The following G3BP2 variants were observed in gnomAD, a reference collection of about 807,000 sequenced individuals.
G3BP2 encodes the protein G3BP stress granule assembly factor 2.
G3BP2 carries 11 observed loss-of-function variants against 56.7 expected under a neutral mutation model. That is an observed-to-expected ratio of 0.19 (90% CI 0.12 to 0.32). The LOEUF (loss-of-function observed/expected upper bound fraction) is 0.32, where lower values mean the gene tolerates loss of function less well. Among genes scored for constraint, G3BP2 ranks in the 10% least tolerant of loss-of-function variants. The pLI is 1.00. For missense variants in G3BP2, 340 were observed against 610.9 expected, an observed-to-expected ratio of 0.56 and a Z score of 4.67; for synonymous variants, 165 against 191.6, an observed-to-expected ratio of 0.86 and a Z score of 1.15.
chr4:75,715,727 C>G (rs951667961), intron 3 of G3BP2, among the ~76,000 whole-genome samples: 1 of 152,210 alleles, frequency 6.6e-6, no homozygotes, highest in Admixed American at 6.5e-5. Flanking sequence ...AACCCATCAG[C>G]CATGCCCCGG....
At chr4:75,714,049 A>G (rs1719846286) in intron 3 of G3BP2, among the ~76,000 whole-genome samples, 1 of 152,244 alleles carries the variant, frequency 6.6e-6, no homozygotes. Flanking sequence ...GAGACATGAC[A>G]TCTAAACACA....
chr4:75,667,700 C>T (rs1001133584), intron 1 of G3BP2, among the ~76,000 whole-genome samples: 2 of 152,108 alleles, frequency 1.3e-5, no homozygotes, highest in African/African-American at 4.8e-5. Context: ...ACCATCCTGG[C>T]TAACACAGTG....
rs143613161 is a variant in G3BP2 at position 75,698,154 on chromosome 4, G to A, written c.-25+22723C>T. ...GATTAAATTAAGAATCTTCAGATGG[G>A]GAGTTTATCCTGAAATATCTAGGGG... On this transcript the variant is annotated intron_variant, in intron 3 of 3. Transcript: ENST00000499709. 5.3e-5 allele frequency among the ~76,000 whole-genome samples: 8 copies of A among 152,292 alleles called. No homozygotes were observed. In the East Asian group the frequency reaches 1.5e-3, roughly 29 times the overall value.
chr4:75,662,255 T>C (rs964909971), intron 1 of G3BP2: 2 of 350,930 alleles, frequency 5.7e-6, no homozygotes, highest in Admixed American at 4.7e-5. Flanking sequence ...GGAGTTTCAC[T>C]CTCCTTGCCC....
chr4:75,674,719 T>TATATATATATA (rs57822618), upstream of G3BP2, among the ~76,000 whole-genome samples: 631 of 50,244 alleles, frequency 0.013, 1 homozygote, highest in Middle Eastern at 0.026. Flanking sequence ...TATATATATA[T>TATATATATATA]TTTTTTTTTT....
chr4:75,656,227 A>G (rs1463402774), intron 5 of G3BP2, among the ~76,000 whole-genome samples: 2 of 151,840 alleles, frequency 1.3e-5, no homozygotes, highest in Non-Finnish European at 2.9e-5. Context: ...CCTGGCCTCA[A>G]GTGATCCACC....
At position 75,708,434 on chromosome 4, in the gene G3BP2, G is replaced by A. The variant is rs184764458; in HGVS notation, c.-25+12443C>T. 1.3e-3 allele frequency among the ~76,000 whole-genome samples: 191 copies of A among 152,200 alleles called. 4 individuals carry two copies. The highest frequency in any genetic ancestry group is 0.011 in the Admixed American group (164 of 15,278). The stretch of plus-strand genomic sequence containing the variant: ...TATAAGCCACATGATCTTGATTGAC[G>A]TCACTCTCACTCATAGAATTTATTT... On this transcript the variant is annotated intron_variant, in intron 3 of 3. Transcript: ENST00000499709.
At position 75,658,835 on chromosome 4, in the gene G3BP2, A is replaced by G. The variant is rs1732323112; in HGVS notation, c.177+8T>C. The G allele has an allele frequency of 6.5e-7, 1 of 1,546,906 alleles. No homozygotes were observed. The highest frequency in any genetic ancestry group is 8.9e-7 in the Non-Finnish European group (1 of 1,118,478). On this transcript the variant is annotated splice_region_variant and intron_variant, in intron 3 of 11. Coordinates refer to ENST00000359707, the MANE Select transcript of G3BP2 (RefSeq NM_203505.3). The stretch of plus-strand genomic sequence containing the variant: ...AATTTCTAAACTACATATGAAATTG[A>G]TACTTACATTTTGGCCATAAACAGC...
chr4:75,662,114 A>C, intron 1 of G3BP2, 65 bp from the exon 2 acceptor site: 2 of 982,402 alleles, frequency 2.0e-6, no homozygotes, highest in Admixed American at 2.2e-5. Context: ...CCATGAAATA[A>C]ATTTTCTTTT....
chr4:75,694,753 CA>C, intron 3 of G3BP2: 1 of 986,968 alleles, frequency 1.0e-6, no homozygotes, highest in Non-Finnish European at 1.2e-6. Flanking sequence ...AACAAACAAA[CA>C]AACAAACAAA....
intron 2 of G3BP2, chr4:75,661,411 G>T (rs1371622673): frequency 6.6e-6 from 1 of 151,716 alleles, no homozygotes. Context: ...TTACATGAGT[G>T]AGAGAGCCAC....
Position 75,645,709 on chromosome 4 carries a change from A to G in G3BP2, c.1177-7T>C, listed in dbSNP as rs766402192. 1.2e-6 allele frequency: 2 copies of G among 1,611,526 alleles called. No individual in the cohort carries two copies. Among genetic ancestry groups the G allele is most frequent in the East Asian group, 2.2e-5 (1 of 44,878 alleles). On this transcript the variant is annotated splice_region_variant and splice_polypyrimidine_tract_variant and intron_variant, in intron 11 of 11. Transcript: ENST00000359707. ...CCCCTCGAAACATAATCGGCTTTAT[A>G]AAAGAGAAGAAAAATATTTACATGG...
intron 3 of G3BP2, among the ~76,000 whole-genome samples, chr4:75,717,018 CA>C (rs1473274995): frequency 6.6e-6 from 1 of 152,190 alleles, no homozygotes; most frequent in Non-Finnish European, 1.5e-5. Flanking sequence ...CTCCTTTTCC[CA>C]AACCACCTGC....
chr4:75,719,638 T>C (rs944459367), intron 3 of G3BP2, among the ~76,000 whole-genome samples: 3 of 152,114 alleles, frequency 2.0e-5, no homozygotes, highest in Admixed American at 6.5e-5. Context: ...TTGCGCAGGC[T>C]GGAGGGCAAT....
At chr4:75,719,144 C>T (rs1282129466) in intron 3 of G3BP2, among the ~76,000 whole-genome samples, 1 of 151,726 alleles carries the variant, frequency 6.6e-6, no homozygotes, top group African/African-American at 2.4e-5. Flanking sequence ...GTCAGGAGAT[C>T]GAGACCATCC....
At chr4:75,679,743 T>A (rs183822891) in intron 3 of G3BP2, among the ~76,000 whole-genome samples, 27 of 152,260 alleles carry the variant, frequency 1.8e-4, no homozygotes, top group Admixed American at 6.5e-4. Flanking sequence ...AAGAATCAGA[T>A]TATCAATTAT....
At position 75,695,843 on chromosome 4, in the gene G3BP2, G is replaced by C. The variant is rs548353668; in HGVS notation, c.-25+25034C>G. Among the ~76,000 whole-genome samples the C allele has an allele frequency of 3.6e-4, 54 of 152,048 alleles. 3 individuals are homozygous for C. In the South Asian group the frequency reaches 0.01, roughly 29 times the overall value. On this transcript the variant is annotated intron_variant, in intron 3 of 3. Transcript: ENST00000499709. ...ACAAAAGTTAGCCAGGCGTGGTGGT[G>C]GGCCCCTGTAATCCCAGCTATTCAG...
intron 3 of G3BP2, among the ~76,000 whole-genome samples, chr4:75,692,551 C>G (rs952496290): frequency 6.6e-6 from 1 of 152,024 alleles, no homozygotes; most frequent in African/African-American, 2.4e-5. Flanking sequence ...ACCTTGTGAT[C>G]CACCCACCTC....
intron 6 of G3BP2, 42 bp from the exon 7 acceptor site, chr4:75,655,288 GT>G (rs1399279916): frequency 6.9e-7 from 1 of 1,443,004 alleles, no homozygotes; most frequent in Non-Finnish European, 9.6e-7. Context: ...AGGAGTTCAA[GT>G]AAGAAAAAAT....
Sources: gnomAD v4.1 joint callset for allele counts (sites outside exome capture counted in the v4.1 genomes callset) on GRCh38, gnomAD v4.1.1 for gene constraint, MANE v1.5 for transcripts, NCBI Gene and HGNC (gene_info 2026-07-23, HGNC 2026-07-21) for gene names.